The following GLI2 variants were observed in gnomAD, a reference collection of about 807,000 sequenced individuals.
GLI2 encodes the protein GLI family zinc finger 2.
In GLI2, 22 loss-of-function variants were observed where a neutral mutation model predicts 78.9. That is an observed-to-expected ratio of 0.28 (90% CI 0.20 to 0.40). GLI2 has a LOEUF of 0.40. Among genes scored for constraint, GLI2 ranks in the 10% least tolerant of loss-of-function variants. The probability of loss-of-function intolerance (pLI) is 1.00; values close to 1 mark genes in which losing one functional copy is unlikely to be tolerated. For missense variants in GLI2, 2,097 were observed against 2,213.2 expected (o/e 0.95, Z 1.05); for synonymous variants, 974 against 963.7 (o/e 1.01, Z -0.20).
chr2:120,963,287 T>C (rs1681673047), intron 5 of GLI2, among the ~76,000 whole-genome samples: 1 of 152,258 alleles, frequency 6.6e-6, no homozygotes, highest in South Asian at 2.1e-4. Context: ...TATGTGTGTC[T>C]TCACAACAGC....
At chr2:120,956,828 C>T (rs1681289245) in intron 5 of GLI2, among the ~76,000 whole-genome samples, 1 of 152,102 alleles carries the variant, frequency 6.6e-6, no homozygotes, top group African/African-American at 2.4e-5. Context: ...CAGGCGGGGC[C>T]ATGAGACTCA....
chr2:120,908,175 G>A (rs374917686), intron 2 of GLI2, among the ~76,000 whole-genome samples: 7 of 152,290 alleles, frequency 4.6e-5, no homozygotes, highest in Non-Finnish European at 2.9e-5. Context: ...GGCCTGGGGG[G>A]CCTGTCACCC....
chr2:120,856,665 G>C (rs927554352), intron 2 of GLI2, among the ~76,000 whole-genome samples: 20 of 152,044 alleles, frequency 1.3e-4, no homozygotes, highest in African/African-American at 4.1e-4. Flanking sequence ...CTAATCTCCA[G>C]GGACTGCAGT....
chr2:120,962,918 C>T (rs1328823114), intron 5 of GLI2, among the ~76,000 whole-genome samples: 1 of 152,062 alleles, frequency 6.6e-6, no homozygotes, highest in Non-Finnish European at 1.5e-5. Flanking sequence ...GTGGTTTTTC[C>T]CCTCACATTA....
chr2:120,857,416 C>T (rs1401568144), intron 2 of GLI2, among the ~76,000 whole-genome samples: 1 of 99,234 alleles, frequency 1.0e-5, no homozygotes, highest in Non-Finnish European at 2.0e-5. Flanking sequence ...TACCCATCTG[C>T]CCACCCACCC....
chr2:120,915,971 G>GCTGTA (rs1432854508), intron 2 of GLI2, among the ~76,000 whole-genome samples: 12 of 152,192 alleles, frequency 7.9e-5, no homozygotes, highest in African/African-American at 2.9e-4. Flanking sequence ...CCTAGTAGGC[G>GCTGTA]CATGGACATG....
In GLI2 at chr2:120,736,242, C is replaced by G. The variant is rs888340194; in HGVS notation, c.-74C>G. 1 of 152,072 alleles carries G rather than the reference C, an allele frequency of 6.6e-6. No homozygotes were observed. Among genetic ancestry groups the G allele is most frequent in the African/African-American group, 2.4e-5 (1 of 41,428 alleles). 9.4% of individuals were successfully genotyped at this position (152,072 alleles called of 1,614,324 possible). A position where few individuals can be genotyped will look rare whatever the true frequency, so the allele number is the denominator to read the frequency against. On this transcript the variant is annotated 5_prime_UTR_variant, in exon 1 of 14. Transcript: ENST00000361492. ...GGGCCCACAGCCACCGCCCGGCGCC[C>G]GAGAGGCCACCTGCGTGCTAGAGGC...
chr2:120,984,644 C>T lies in GLI2; in HGVS notation c.1806C>T (p.Gly602=). Reference sequence around the variant, plus strand: ...AAGAGAATGGGGACAGTGAGGCCGGCACGGAGCCTGGCGGCCCAGAGAGCA... The same window carrying T: ...AAGAGAATGGGGACAGTGAGGCCGGTACGGAGCCTGGCGGCCCAGAGAGCA... The part of the protein sequence containing the change: ...LLKENGDSEA[G]TEPGGPESTE... Residue 602 remains glycine, a synonymous_variant, in exon 12 of 14, where the codon GGC becomes GGT. Transcript: ENST00000361492. 6.2e-7 allele frequency: 1 copy of T among 1,614,112 alleles called. No homozygotes were observed. Among genetic ancestry groups the T allele is most frequent in the Non-Finnish European group, 8.5e-7 (1 of 1,180,016 alleles).
intron 1 of GLI2, among the ~76,000 whole-genome samples, chr2:120,794,822 C>T (rs1349872836): frequency 1.3e-5 from 2 of 152,052 alleles, no homozygotes; most frequent in Non-Finnish European, 2.9e-5. Flanking sequence ...GGCAGCAATC[C>T]CTGAATTTCT....
At chr2:120,975,609 G>T (rs1682419233) in intron 9 of GLI2, among the ~76,000 whole-genome samples, 1 of 152,146 alleles carries the variant, frequency 6.6e-6, no homozygotes, top group Admixed American at 6.5e-5. Context: ...GGTGCAGGTG[G>T]GCGTCTACAC....
rs952815527 is a variant in GLI2 at position 120,822,833 on chromosome 2, C to G, written c.148+25365C>G. On this transcript the variant is annotated intron_variant, in intron 2 of 13. Coordinates refer to ENST00000361492, the MANE Select transcript of GLI2 (RefSeq NM_001374353.1). ...AGCTTCAGAGGAAATGGTACGAATG[C>G]AACCCAAATGGCAAATTTCCCATCT... 3.3e-5 allele frequency among the ~76,000 whole-genome samples: 5 copies of G among 152,230 alleles called. 1 individual carries two copies. The highest frequency in any genetic ancestry group is 3.3e-4 in the Admixed American group (5 of 15,284).
At chr2:120,968,659 A>ACCCCCAC in intron 5 of GLI2, 55 bp from the exon 6 acceptor site, 3 of 1,168,942 alleles carry the variant, frequency 2.6e-6, no homozygotes, top group African/African-American at 1.6e-5. Flanking sequence ...CCCACATGTC[A>ACCCCCAC]CCCCCTCCCC....
chr2:120,797,234 C>A, intron 1 of GLI2, 57 bp from the exon 2 acceptor site: 1 of 1,360,902 alleles, frequency 7.3e-7, no homozygotes, highest in Non-Finnish European at 1.1e-6. Flanking sequence ...TCTGGGTCGG[C>A]GTTTCCCGGC....
At chr2:120,804,451 A>G (rs1684850552) in intron 2 of GLI2, among the ~76,000 whole-genome samples, 1 of 152,178 alleles carries the variant, frequency 6.6e-6, no homozygotes, top group South Asian at 2.1e-4. Context: ...GTCTCTGGGT[A>G]TAAGGGTCAG....
chr2:120,819,521 TG>T (rs1188789618), intron 2 of GLI2, among the ~76,000 whole-genome samples: 1 of 152,144 alleles, frequency 6.6e-6, no homozygotes, highest in Non-Finnish European at 1.5e-5. Context: ...ATTGCAGGCG[TG>T]AGTCACTGCA....
intron 2 of GLI2, among the ~76,000 whole-genome samples, chr2:120,876,406 C>G (rs894694794): frequency 1.3e-5 from 2 of 152,128 alleles, no homozygotes; most frequent in Non-Finnish European, 2.9e-5. Flanking sequence ...ATTTCTTAAA[C>G]ATCCAAAATG....
chr2:120,981,677 T>TA, intron 10 of GLI2, among the ~76,000 whole-genome samples: 1 of 152,296 alleles, frequency 6.6e-6, no homozygotes, highest in East Asian at 1.9e-4. Context: ...CTGCCGGGTG[T>TA]ACGTGTCCTC....
chr2:120,877,537 C>G (rs1273579698), intron 2 of GLI2, among the ~76,000 whole-genome samples: 3 of 152,156 alleles, frequency 2.0e-5, no homozygotes, highest in African/African-American at 7.2e-5. Flanking sequence ...AGCCACCACT[C>G]CCCCATTTTG....
At chr2:120,755,073 A>C (rs1372466037) in intron 1 of GLI2, among the ~76,000 whole-genome samples, 2 of 151,396 alleles carry the variant, frequency 1.3e-5, no homozygotes, top group Non-Finnish European at 2.9e-5. Flanking sequence ...CCAGTCTTGA[A>C]CTCCTGACCT....
Sources: gnomAD v4.1 joint callset for allele counts (sites outside exome capture counted in the v4.1 genomes callset) on GRCh38, gnomAD v4.1.1 for gene constraint, MANE v1.5 for transcripts, NCBI Gene and HGNC (gene_info 2026-07-23, HGNC 2026-07-21) for gene names.